The following LGALS8 variants were observed in gnomAD, a reference collection of about 807,000 sequenced individuals.
LGALS8 encodes galectin 8.
LGALS8 carries 30 observed loss-of-function variants against 35.9 expected under a neutral mutation model. The observed-to-expected ratio is 0.83, with a 90% CI of 0.62 to 1.13. The LOEUF is 1.13. Among genes scored for constraint, LGALS8 ranks in the 50% most tolerant of loss-of-function variants. LGALS8 has a pLI of 0.00. For missense variants in LGALS8, 366 were observed against 388.7 expected (o/e 0.94, Z 0.49); for synonymous variants, 138 against 136.1 (o/e 1.01, Z -0.10).
chr1:236,541,644 CT>C lies in LGALS8; in HGVS notation c.466-6del. ...GATGTTACAAATTAATCTTTATTATCTTTTCTCAGGACTTACAAAGTACCCA... is the reference window on the plus strand; with the variant it reads ...GATGTTACAAATTAATCTTTATTATCTTTCTCAGGACTTACAAAGTACCCA... On this transcript the variant is annotated splice_polypyrimidine_tract_variant and intron_variant, in intron 5 of 9. Coordinates refer to ENST00000366584, the MANE Select transcript of LGALS8 (RefSeq NM_201544.4). 1 of 1,418,428 alleles carries C rather than the reference CT, an allele frequency of 7.1e-7. No homozygotes were observed. The highest frequency in any genetic ancestry group is 9.7e-7 in the Non-Finnish European group (1 of 1,033,370). The allele number at this position is 1,418,428 out of a possible 1,614,324, so 87.9% of individuals were successfully genotyped here.
At chr1:236,525,946 C>T in intron 1 of LGALS8, 22 bp from the exon 2 acceptor site, 1 of 566,530 alleles carries the variant, frequency 1.8e-6, no homozygotes, top group Non-Finnish European at 3.1e-6. Flanking sequence ...CTTTTCTTTT[C>T]CTCTATTTTT....
intron 2 of LGALS8, among the ~76,000 whole-genome samples, chr1:236,528,994 G>A (rs1660990465): frequency 3.9e-5 from 6 of 152,204 alleles, no homozygotes; most frequent in Admixed American, 3.9e-4. Flanking sequence ...CAGGCTCTAA[G>A]GCTGGGTCCA....
At chr1:236,547,294 T>C (rs888480884) in intron 9 of LGALS8, among the ~76,000 whole-genome samples, 4 of 152,206 alleles carry the variant, frequency 2.6e-5, no homozygotes, top group Admixed American at 2.0e-4. Flanking sequence ...TTTTTGGTTT[T>C]TCATTGTTTG....
rs1296032739 is a variant in LGALS8 at position 236,552,007 on chromosome 1, A to G, written c.*3846A>G. Reference sequence around the variant, plus strand: ...AATAGTTTGGGAATTACCTTCCATCAACTCTGCTAAGAAAGGAATGGATTC... The same window carrying G: ...AATAGTTTGGGAATTACCTTCCATCGACTCTGCTAAGAAAGGAATGGATTC... On this transcript the variant is annotated 3_prime_UTR_variant, in exon 10 of 10. Coordinates refer to ENST00000366584, the MANE Select transcript of LGALS8 (RefSeq NM_201544.4). 4.4e-6 allele frequency: 7 copies of G among 1,598,514 alleles called. No individual in the cohort carries two copies. The highest frequency in any genetic ancestry group is 1.7e-5 in the Admixed American group (1 of 59,678).
At position 236,550,135 on chromosome 1, in the gene LGALS8, C is replaced by T. The variant is rs1209227711; in HGVS notation, c.*1974C>T. The T allele has an allele frequency of 1.3e-5, 2 of 152,218 alleles. No homozygotes were observed. The highest frequency in any genetic ancestry group is 4.8e-5 in the African/African-American group (2 of 41,464). 9.4% of individuals were successfully genotyped at this position (152,218 alleles called of 1,614,324 possible). ...AAGCATTGAAAAAAATCTACTGATA[C>T]TTACTTTCTTAGACAAGTAGTTCTT... On this transcript the variant is annotated 3_prime_UTR_variant, in exon 10 of 10. Coordinates refer to ENST00000366584, the MANE Select transcript of LGALS8 (RefSeq NM_201544.4).
At chr1:236,522,572 A>C (rs1660585970), upstream of LGALS8, among the ~76,000 whole-genome samples, 1 of 152,220 alleles carries the variant, frequency 6.6e-6, no homozygotes, top group Non-Finnish European at 1.5e-5. Flanking sequence ...AGACTCAGGC[A>C]GAATTGTGAA....
chr1:236,531,789 A>G (rs946788670), intron 2 of LGALS8, among the ~76,000 whole-genome samples: 1 of 152,102 alleles, frequency 6.6e-6, no homozygotes, highest in African/African-American at 2.4e-5. Context: ...CCCCATGTTG[A>G]GGTCCCCAAG....
chr1:236,542,859 C>A, intron 7 of LGALS8, 72 bp downstream of exon 7: 2 of 1,614,088 alleles, frequency 1.2e-6, no homozygotes, highest in Non-Finnish European at 1.7e-6. Context: ...ACAGTTTAAA[C>A]CGTGGAGGGC....
At chr1:236,520,847 A>G (rs1660530009), upstream of LGALS8, among the ~76,000 whole-genome samples, 1 of 152,118 alleles carries the variant, frequency 6.6e-6, no homozygotes, top group Non-Finnish European at 1.5e-5. Flanking sequence ...TTGTTTCCTG[A>G]ACACATTTAA....
chr1:236,543,371 T>A (rs2243530), intron 7 of LGALS8, 189 bp from the exon 8 acceptor site: 506,906 of 698,036 alleles, frequency 0.73, 185,567 homozygotes, highest in Admixed American at 0.78. Flanking sequence ...TGTAATCATG[T>A]GTGTTTGCTT....
chr1:236,519,430 T>C (rs567387241), upstream of LGALS8, among the ~76,000 whole-genome samples: 2 of 152,068 alleles, frequency 1.3e-5, no homozygotes, highest in Non-Finnish European at 2.9e-5. Flanking sequence ...GTGGCTATAT[T>C]ATACCATATA....
intron 2 of LGALS8, among the ~76,000 whole-genome samples, chr1:236,528,623 C>T (rs895606084): frequency 4.2e-5 from 6 of 142,826 alleles, no homozygotes; most frequent in African/African-American, 1.5e-4. Context: ...GCAGTCTTAC[C>T]CCACTGCAAC....
rs1483059378 is a variant in LGALS8, at chr1:236,549,400, CAGTCAGTGAGGATCATTTTATCACATT to C, written c.*1242_*1268del. 6.2e-6 allele frequency: 1 copy of C among 162,090 alleles called. No homozygotes were observed. Among genetic ancestry groups the C allele is most frequent in the African/African-American group, 2.4e-5 (1 of 41,954 alleles). 10.0% of individuals were successfully genotyped at this position (162,090 alleles called of 1,614,324 possible). On this transcript the variant is annotated 3_prime_UTR_variant, in exon 10 of 10. Transcript: ENST00000366584. ...TTGGGAGTGGGGAGGGAAAAAAGCT[CAGTCAGTGAGGATCATTTTATCACATT>C]AGACTGGGGCAGAACTCTGCCAGGA...
chr1:236,528,395 C>A (rs956087091), intron 2 of LGALS8, among the ~76,000 whole-genome samples: 24 of 22,088 alleles, frequency 1.1e-3, no homozygotes, highest in African/African-American at 2.1e-3. Context: ...AAAAAAAAAA[C>A]CCCCCCACAC....
At chr1:236,529,562 A>T (rs1474234362) in intron 2 of LGALS8, among the ~76,000 whole-genome samples, 2 of 149,042 alleles carry the variant, frequency 1.3e-5, no homozygotes. Context: ...ATCCTGGGCG[A>T]CAGAGTGATA....
chr1:236,537,313 C>T (rs1661598581), intron 2 of LGALS8, among the ~76,000 whole-genome samples, 184 bp from the exon 3 acceptor site: 1 of 152,134 alleles, frequency 6.6e-6, no homozygotes, highest in Non-Finnish European at 1.5e-5. Context: ...CCGCGCCCGG[C>T]CGCAGTTCCT....
chr1:236,532,434 C>T (rs895044053), intron 2 of LGALS8, among the ~76,000 whole-genome samples: 1 of 152,170 alleles, frequency 6.6e-6, no homozygotes, highest in Non-Finnish European at 1.5e-5. Context: ...GTGCTCTGGC[C>T]ATTCACCTAG....
chr1:236,535,912 A>G (rs951520678), intron 2 of LGALS8, among the ~76,000 whole-genome samples: 7 of 152,254 alleles, frequency 4.6e-5, no homozygotes, highest in Non-Finnish European at 1.0e-4. Flanking sequence ...CTTTCCAGAC[A>G]GGTGAGAGTT....
chr1:236,544,701 T>C, intron 8 of LGALS8, 49 bp from the exon 9 acceptor site: 1 of 1,472,710 alleles, frequency 6.8e-7, no homozygotes. Context: ...GCCACTACTC[T>C]GTCCTACTTG....
Sources: allele counts gnomAD v4.1 joint callset (sites outside exome capture counted in the v4.1 genomes callset), GRCh38; gene constraint gnomAD v4.1.1; transcripts MANE v1.5; gene names NCBI Gene and HGNC (gene_info 2026-07-23, HGNC 2026-07-21).